Variants in SCAPER observed in about 807,000 individuals in gnomAD.
The protein encoded by SCAPER is S-phase cyclin A associated protein in the ER, also known as S phase cyclin A-associated protein in the endoplasmic reticulum.
A neutral mutation model predicts 182.2 loss-of-function variants in SCAPER; 98 were observed. The ratio of observed to expected loss-of-function variants is 0.54; its 90% CI spans 0.46 to 0.64. The LOEUF is 0.64. Among genes scored for constraint, SCAPER ranks in the 30% least tolerant of loss-of-function variants. The pLI is 0.00. For synonymous variants in SCAPER, 605 were observed against 564.6 expected (o/e 1.07, Z -1.01); for missense variants, 1,432 against 1,690.0 (o/e 0.85, Z 2.68).
intron 21 of SCAPER, among the ~76,000 whole-genome samples, chr15:76,657,035 T>A (rs1471006169): frequency 2.6e-5 from 4 of 151,706 alleles, no homozygotes; most frequent in Non-Finnish European, 5.9e-5. Context: ...AGACAAGAAA[T>A]AATCAAAATC....
At chr15:76,711,026 GCAAA>G (rs1327382729) in intron 17 of SCAPER, among the ~76,000 whole-genome samples, 1 of 152,026 alleles carries the variant, frequency 6.6e-6, no homozygotes, top group Admixed American at 6.6e-5. Flanking sequence ...ATATCTATAT[GCAAA>G]CAAATAAATT....
chr15:76,708,046 G>T (rs1399462216), intron 17 of SCAPER, among the ~76,000 whole-genome samples: 1 of 151,974 alleles, frequency 6.6e-6, no homozygotes, highest in African/African-American at 2.4e-5. Flanking sequence ...CAGTATCCAA[G>T]GGGGATTGGT....
Position 76,855,859 on chromosome 15 carries a change from T to C in SCAPER, c.195+1950A>G, listed in dbSNP as rs542155544. 4.0e-4 allele frequency: 177 copies of C among 441,792 alleles called. 2 individuals carry two copies. Among genetic ancestry groups the C allele is most frequent in the South Asian group, 2.8e-3 (176 of 62,226 alleles). 27.4% of individuals were successfully genotyped at this position (441,792 alleles called of 1,614,324 possible). On this transcript the variant is annotated intron_variant, in intron 4 of 31. Transcript: ENST00000563290. ...AGTTCGGCCATTATGGAAAGAAGTA[T>C]GGCGATTCCTCAAAGAGCTAAAAAC...
intron 6 of SCAPER, among the ~76,000 whole-genome samples, chr15:76,801,356 A>AT (rs781498667): frequency 2.6e-5 from 4 of 152,202 alleles, no homozygotes; most frequent in Non-Finnish European, 5.9e-5. Flanking sequence ...CAGTGTATCA[A>AT]TATTTTTCTT....
At chr15:76,749,222 T>C (rs1273236101) in intron 15 of SCAPER, among the ~76,000 whole-genome samples, 2 of 151,988 alleles carry the variant, frequency 1.3e-5, no homozygotes, top group African/African-American at 4.8e-5. Context: ...AATCAAGCAG[T>C]GAAATTCATC....
chr15:76,495,577 CAAAAAAAAA>C (rs71444987), intron 24 of SCAPER, among the ~76,000 whole-genome samples: 9 of 56,956 alleles, frequency 1.6e-4, no homozygotes, highest in African/African-American at 6.4e-4. Context: ...GACTTGGTCT[CAAAAAAAAA>C]AAAAAAAAAA....
intron 29 of SCAPER, among the ~76,000 whole-genome samples, chr15:76,367,206 T>C (rs1020584588): frequency 2.0e-5 from 3 of 152,222 alleles, no homozygotes; most frequent in South Asian, 2.1e-4. Context: ...GTCAAACAGC[T>C]GTAAAGCTGT....
At chr15:76,779,219 C>A (rs993165606) in intron 8 of SCAPER, among the ~76,000 whole-genome samples, 1 of 151,916 alleles carries the variant, frequency 6.6e-6, no homozygotes, top group South Asian at 2.1e-4. Context: ...ATACAAAAAT[C>A]TATCCAACAA....
intron 23 of SCAPER, among the ~76,000 whole-genome samples, chr15:76,537,479 A>G (rs1053419395): frequency 6.6e-6 from 1 of 152,212 alleles, no homozygotes; most frequent in African/African-American, 2.4e-5. Context: ...AGGATTCCCT[A>G]TTTAATAAAA....
At chr15:76,466,061 G>A (rs1462475335) in intron 25 of SCAPER, among the ~76,000 whole-genome samples, 1 of 151,998 alleles carries the variant, frequency 6.6e-6, no homozygotes, top group African/African-American at 2.4e-5. Flanking sequence ...TGTTTATGTT[G>A]ATCTTATTTG....
chr15:76,772,743 CAG>C (rs1303677372), intron 9 of SCAPER, among the ~76,000 whole-genome samples: 2 of 151,862 alleles, frequency 1.3e-5, no homozygotes, highest in Non-Finnish European at 3.0e-5. Flanking sequence ...TCCAATTTAG[CAG>C]AGTCAAGCCT....
rs751201774 is a variant in SCAPER, at chr15:76,504,979, A to C, written c.2839-5T>G. 1 of 1,608,486 alleles carries C rather than the reference A, an allele frequency of 6.2e-7. No homozygotes were observed. Among genetic ancestry groups the C allele is most frequent in the East Asian group, 2.2e-5 (1 of 44,740 alleles). On this transcript the variant is annotated splice_region_variant and splice_polypyrimidine_tract_variant and intron_variant, in intron 23 of 31. Coordinates refer to ENST00000563290, the MANE Select transcript of SCAPER (RefSeq NM_020843.4). ...TGCAATCTGATCTGCCACATTCTAG[A>C]CAGAAATACAAACAGAAGTTAGCCC...
At chr15:76,853,235 A>G (rs975899353) in intron 4 of SCAPER, among the ~76,000 whole-genome samples, 4 of 152,224 alleles carry the variant, frequency 2.6e-5, no homozygotes, top group Admixed American at 2.0e-4. Context: ...TCACAGCCAA[A>G]TTCTACCAGA....
At chr15:76,846,770 T>C (rs906352166) in intron 4 of SCAPER, among the ~76,000 whole-genome samples, 1 of 152,066 alleles carries the variant, frequency 6.6e-6, no homozygotes, top group Non-Finnish European at 1.5e-5. Flanking sequence ...TAAATTAGTA[T>C]AACCAATATG....
Position 76,883,764 on chromosome 15 carries a change from A to G in SCAPER, c.6+48T>C, listed in dbSNP as rs1356018847. The G allele has an allele frequency of 3.5e-6, 5 of 1,426,492 alleles. No individual in the cohort carries two copies. The South Asian group carries it at 6.8e-5, about 19-fold the overall frequency. 88.4% of individuals were successfully genotyped at this position (1,426,492 alleles called of 1,614,324 possible). A position where few individuals can be genotyped will look rare whatever the true frequency, so the allele number is the denominator to read the frequency against. On this transcript the variant is annotated intron_variant, in intron 2 of 31. Coordinates refer to ENST00000563290, the MANE Select transcript of SCAPER (RefSeq NM_020843.4). ...TTAAAAAAGATAAAAGAAAGGAAGA[A>G]AAGAGAAAGGCAAAAAAACTAAGGC...
At chr15:76,645,640 A>G (rs927656663) in intron 21 of SCAPER, among the ~76,000 whole-genome samples, 1 of 152,048 alleles carries the variant, frequency 6.6e-6, no homozygotes, top group Non-Finnish European at 1.5e-5. Flanking sequence ...AATTAACCTA[A>G]TACTTATTTG....
At chr15:76,518,332 A>G (rs1252397007) in intron 23 of SCAPER, among the ~76,000 whole-genome samples, 2 of 152,204 alleles carry the variant, frequency 1.3e-5, no homozygotes, top group Non-Finnish European at 2.9e-5. Context: ...CAGGCTTTAG[A>G]GTACGCCTTT....
chr15:76,757,729 C>T (rs2151221323), intron 14 of SCAPER, among the ~76,000 whole-genome samples: 1 of 152,250 alleles, frequency 6.6e-6, no homozygotes, highest in East Asian at 1.9e-4. Context: ...CTACCAACAG[C>T]ATACAAGGGT....
At chr15:76,771,616 A>G in intron 10 of SCAPER, 126 bp downstream of exon 10, 1 of 662,000 alleles carries the variant, frequency 1.5e-6, no homozygotes, top group South Asian at 2.5e-5. Flanking sequence ...AAATGTTAAA[A>G]TGAAATAAAT....
Sources: allele counts gnomAD v4.1 joint callset (sites outside exome capture counted in the v4.1 genomes callset), GRCh38; gene constraint gnomAD v4.1.1; transcripts MANE v1.5; gene names NCBI Gene and HGNC (gene_info 2026-07-23, HGNC 2026-07-21).